The following CFLAR variants were observed in gnomAD, a reference collection of about 807,000 sequenced individuals.
CFLAR encodes CASP8 and FADD like apoptosis regulator, also known as CASP8 and FADD-like apoptosis regulator.
Under a neutral mutation model 51.1 loss-of-function variants are expected in CFLAR, and 14 were observed. That is an observed-to-expected ratio of 0.27 (90% CI 0.18 to 0.43). CFLAR has a LOEUF of 0.43. Ranked by LOEUF, CFLAR falls within the 20% of genes least tolerant of loss-of-function variation. The probability of loss-of-function intolerance (pLI) is 1.00; values close to 1 mark genes in which losing one functional copy is unlikely to be tolerated. For synonymous variants in CFLAR, 210 were observed against 211.6 expected (o/e 0.99, Z 0.06); for missense variants, 390 against 566.5 (o/e 0.69, Z 3.16).
chr2:201,155,574 A>T (rs1193691648), intron 8 of CFLAR, among the ~76,000 whole-genome samples: 1 of 149,194 alleles, frequency 6.7e-6, no homozygotes, highest in Non-Finnish European at 1.5e-5. Context: ...AAGAGGAAGT[A>T]TTTTTTTTTT....
intron 1 of CFLAR, among the ~76,000 whole-genome samples, chr2:201,120,002 G>T (rs1575584280): frequency 6.7e-6 from 1 of 150,290 alleles, no homozygotes. Context: ...AAAGATTCAA[G>T]GTGGGGCCTT....
intron 2 of CFLAR, among the ~76,000 whole-genome samples, chr2:201,130,497 G>A (rs1175616883): frequency 1.3e-5 from 2 of 151,602 alleles, no homozygotes; most frequent in African/African-American, 4.8e-5. Context: ...AAGTACTTGG[G>A]ACTACAGGCG....
chr2:201,174,352 A>G lies in CFLAR; in HGVS notation c.*10379A>G, dbSNP rs1260229697. 1.3e-5 allele frequency: 2 copies of G among 152,190 alleles called. No individual in the cohort carries two copies. The allele number at this position is 152,190 out of a possible 1,614,324, so 9.4% of individuals were successfully genotyped here. On this transcript the variant is annotated 3_prime_UTR_variant, in exon 10 of 10. Transcript: ENST00000309955. ...ATAAATGTTCACTTGTCTTAGCATTACTTATTGAAAATACTATTTTTTCCC... is the reference window on the plus strand; with the variant it reads ...ATAAATGTTCACTTGTCTTAGCATTGCTTATTGAAAATACTATTTTTTCCC...
chr2:201,119,159 A>C (rs1403357514), intron 1 of CFLAR: 2 of 152,300 alleles, frequency 1.3e-5, no homozygotes, highest in Non-Finnish European at 2.9e-5. Flanking sequence ...CCAGGGGCTA[A>C]TTAAACTCGT....
intron 7 of CFLAR, 120 bp from the exon 8 acceptor site, chr2:201,149,634 G>A (rs1940909971): frequency 1.5e-6 from 1 of 684,172 alleles, no homozygotes; most frequent in Non-Finnish European, 2.5e-6. Flanking sequence ...ACTTCAGGCT[G>A]TGTCTGTTGA....
At chr2:201,144,764 C>G (rs1939754342) in intron 5 of CFLAR, among the ~76,000 whole-genome samples, 2 of 152,164 alleles carry the variant, frequency 1.3e-5, no homozygotes, top group Non-Finnish European at 1.5e-5. Flanking sequence ...GCTATGCTAG[C>G]AACTATACTA....
rs1454500794 is a variant in CFLAR, at chr2:201,164,893, T to C, written c.*920T>C. 1 of 152,162 alleles carries C rather than the reference T, an allele frequency of 6.6e-6. No homozygotes were observed. Among genetic ancestry groups the C allele is most frequent in the African/African-American group, 2.4e-5 (1 of 41,436 alleles). 9.4% of individuals were successfully genotyped at this position (152,162 alleles called of 1,614,324 possible). On this transcript the variant is annotated 3_prime_UTR_variant, in exon 10 of 10. Transcript: ENST00000309955. ...TCTGGTAAGGCATGCTTCCAGATCT[T>C]ACCAGATGTCAGTCTTTTGATGTTC...
Position 201,116,674 on chromosome 2 carries a change from G to A in CFLAR, c.-138+193G>A, listed in dbSNP as rs1226032385. Reference sequence around the variant, plus strand: ...GGCCGGCAGTGGCCAGGGGATGGCGGGGGCGCTTCTGGAACCTGACTCAGT... The same window carrying A: ...GGCCGGCAGTGGCCAGGGGATGGCGAGGGCGCTTCTGGAACCTGACTCAGT... On this transcript the variant is annotated intron_variant, in intron 1 of 9. Coordinates refer to ENST00000309955, the MANE Select transcript of CFLAR (RefSeq NM_003879.7). The surrounding 1 kb of genome is among the most constrained non-coding windows in gnomAD (Gnocchi z 4.8). Among the ~76,000 whole-genome samples the A allele has an allele frequency of 1.3e-5, 2 of 152,230 alleles. No individual in the cohort carries two copies. The highest frequency in any genetic ancestry group is 4.8e-5 in the African/African-American group (2 of 41,462).
In CFLAR at chr2:201,129,980, G is replaced by A. The variant is rs1321865299; in HGVS notation, c.115G>A (p.Asp39Asn). The A allele has an allele frequency of 1.9e-5, 31 of 1,614,042 alleles. No individual in the cohort carries two copies. Among genetic ancestry groups the A allele is most frequent in the Middle Eastern group, 1.6e-4 (1 of 6,084 alleles). ...AIDVVPPNVR[D>N]LLDILRERGK... ...AGATGTGGTTCCACCTAATGTCAGGGACCTTCTGGATATTTTACGGGAAAG... is the reference window on the plus strand; with the variant it reads ...AGATGTGGTTCCACCTAATGTCAGGAACCTTCTGGATATTTTACGGGAAAG... Residue 39 changes from aspartate to asparagine, a missense_variant, in exon 2 of 10, where the codon GAC (aspartate) becomes AAC (asparagine). Physicochemically the swap from Asp to Asn is conservative, Grantham distance 23 (BLOSUM62 1). Coordinates refer to ENST00000309955, the MANE Select transcript of CFLAR (RefSeq NM_003879.7).
chr2:201,141,686 G>T, intron 5 of CFLAR: 4 of 1,130,548 alleles, frequency 3.5e-6, no homozygotes, highest in South Asian at 2.3e-5. Flanking sequence ...GATTTTTGAG[G>T]GTGTTCATGA....
rs1943723192 is a variant in CFLAR, at chr2:201,167,666, C to T, written c.*3693C>T. ...GTATGCTTGGCCTCATGAGCTAAAACCCTGTGTTAATTATGACAGAAGGAA... is the reference window on the plus strand; with the variant it reads ...GTATGCTTGGCCTCATGAGCTAAAATCCTGTGTTAATTATGACAGAAGGAA... On this transcript the variant is annotated 3_prime_UTR_variant, in exon 10 of 10. Coordinates refer to ENST00000309955, the MANE Select transcript of CFLAR (RefSeq NM_003879.7). The T allele has an allele frequency of 6.6e-6, 1 of 152,230 alleles. No homozygotes were observed. The highest frequency in any genetic ancestry group is 6.5e-5 in the Admixed American group (1 of 15,276). 9.4% of individuals were successfully genotyped at this position (152,230 alleles called of 1,614,324 possible).
At chr2:201,147,480 G>A (rs1343096942) in intron 6 of CFLAR, among the ~76,000 whole-genome samples, 2 of 152,044 alleles carry the variant, frequency 1.3e-5, no homozygotes, top group Non-Finnish European at 2.9e-5. Flanking sequence ...AGTGAGCCGA[G>A]ATCTTGCCAC....
intron 1 of CFLAR, among the ~76,000 whole-genome samples, chr2:201,126,888 A>G (rs1202388612): frequency 6.6e-6 from 1 of 152,212 alleles, no homozygotes; most frequent in Non-Finnish European, 1.5e-5. Flanking sequence ...GATGTTTTGA[A>G]TAATAATTGG....
chr2:201,162,943 T>C, intron 9 of CFLAR: 1 of 697,122 alleles, frequency 1.4e-6, no homozygotes, highest in South Asian at 1.5e-5. Context: ...ACGAAGTAAG[T>C]ATTAAACATC....
intron 6 of CFLAR, chr2:201,146,651 G>A (rs1220120461): frequency 2.0e-5 from 3 of 152,278 alleles, no homozygotes; most frequent in Non-Finnish European, 4.4e-5. Context: ...TTACACTGAT[G>A]AGGCACATGG....
intron 1 of CFLAR, among the ~76,000 whole-genome samples, chr2:201,125,867 G>A (rs922406184): frequency 1.2e-4 from 19 of 152,198 alleles, no homozygotes; most frequent in African/African-American, 4.6e-4. Context: ...AGTGGTAGAG[G>A]CTTCCTCATT....
At chr2:201,151,726 A>T (rs1382701143) in intron 8 of CFLAR, among the ~76,000 whole-genome samples, 1 of 140,446 alleles carries the variant, frequency 7.1e-6, no homozygotes, top group Non-Finnish European at 1.5e-5. Flanking sequence ...AGAGAATCAT[A>T]AAAAAAAAAA....
chr2:201,148,977 A>T, intron 6 of CFLAR, 26 bp from the exon 7 acceptor site: 1 of 1,590,530 alleles, frequency 6.3e-7, no homozygotes, highest in Non-Finnish European at 8.6e-7. Flanking sequence ...CAGCTTTGTA[A>T]ATGGTTTCTC....
intron 1 of CFLAR, among the ~76,000 whole-genome samples, chr2:201,117,405 G>A (rs1047570289): frequency 2.0e-5 from 3 of 152,128 alleles, no homozygotes; most frequent in Non-Finnish European, 4.4e-5. Flanking sequence ...GTAGAACAAA[G>A]GCCACTGAAA....
Sources: allele counts gnomAD v4.1 joint callset (sites outside exome capture counted in the v4.1 genomes callset), GRCh38; gene constraint gnomAD v4.1.1; non-coding constraint Gnocchi (gnomAD v3.1); transcripts MANE v1.5; gene names NCBI Gene and HGNC (gene_info 2026-07-23, HGNC 2026-07-21).